The following WWOX variants were observed in gnomAD, a reference collection of about 807,000 sequenced individuals.
WWOX encodes WW domain-containing oxidoreductase.
WWOX carries 69 observed loss-of-function variants against 46.2 expected under a neutral mutation model. The observed-to-expected ratio is 1.49, with a 90% CI of 1.23 to 1.82. The LOEUF (loss-of-function observed/expected upper bound fraction) is 1.82, where lower values mean the gene tolerates loss of function less well. Among genes scored for constraint, WWOX ranks in the 40% most tolerant of loss-of-function variants. The probability of loss-of-function intolerance (pLI) is 0.00; values close to 1 mark genes in which losing one functional copy is unlikely to be tolerated. For synonymous variants in WWOX, 359 were observed against 202.6 expected (o/e 1.77, Z -6.56); for missense variants, 919 against 542.6 (o/e 1.69, Z -6.89).
At chr16:78,119,865 A>G (rs1357380686) in intron 4 of WWOX, among the ~76,000 whole-genome samples, 1 of 152,196 alleles carries the variant, frequency 6.6e-6, no homozygotes, top group African/African-American at 2.4e-5. Flanking sequence ...AGCAGTGGCT[A>G]AAACTTGATT....
chr16:79,113,352 C>T (rs1443402009), intron 8 of WWOX, among the ~76,000 whole-genome samples: 1 of 152,162 alleles, frequency 6.6e-6, no homozygotes, highest in Non-Finnish European at 1.5e-5. Context: ...AGTTATGCCC[C>T]ATCAGGGGGC....
chr16:78,617,381 C>G (rs1254591070), intron 8 of WWOX, among the ~76,000 whole-genome samples: 1 of 146,070 alleles, frequency 6.8e-6, no homozygotes, highest in East Asian at 2.0e-4. Flanking sequence ...CAGCCTGGGC[C>G]ACACAGAGAA....
chr16:78,749,382 C>T (rs138357607), intron 8 of WWOX, among the ~76,000 whole-genome samples: 71 of 152,114 alleles, frequency 4.7e-4, no homozygotes, highest in Non-Finnish European at 8.2e-4. Flanking sequence ...TTGAATACAG[C>T]CTTTTGCATT....
chr16:78,469,651 C>T (rs9933282), intron 8 of WWOX, among the ~76,000 whole-genome samples: 18,130 of 152,196 alleles, frequency 0.12, 1,255 homozygotes, highest in Non-Finnish European at 0.16. Context: ...CTGAGTACCG[C>T]GCAGATAGTG....
At chr16:78,683,575 C>T (rs9936058) in intron 8 of WWOX, among the ~76,000 whole-genome samples, 61,421 of 151,070 alleles carry the variant, frequency 0.41, 14,628 homozygotes, top group Admixed American at 0.55. Flanking sequence ...AAAAAAATTA[C>T]ATGAAAAATA....
intron 5 of WWOX, among the ~76,000 whole-genome samples, chr16:78,234,099 C>T (rs974432011): frequency 4.2e-5 from 6 of 143,220 alleles, no homozygotes; most frequent in African/African-American, 1.3e-4. Context: ...GTCCAGAACA[C>T]GGTGGGGAGG....
At chr16:78,483,006 C>T (rs539149428) in intron 8 of WWOX, among the ~76,000 whole-genome samples, 1 of 152,078 alleles carries the variant, frequency 6.6e-6, no homozygotes, top group Non-Finnish European at 1.5e-5. Flanking sequence ...GAAAAGGAGT[C>T]AAACATTTAG....
intron 8 of WWOX, among the ~76,000 whole-genome samples, chr16:78,441,974 G>C (rs903551407): frequency 6.6e-6 from 1 of 151,440 alleles, no homozygotes; most frequent in African/African-American, 2.4e-5. Flanking sequence ...GTGTGTGTGT[G>C]TGTGTGTGTG....
chr16:78,478,858 C>G (rs1407201086), intron 8 of WWOX, among the ~76,000 whole-genome samples: 1 of 151,900 alleles, frequency 6.6e-6, no homozygotes, highest in Non-Finnish European at 1.5e-5. Context: ...TTGGACAAGC[C>G]CTTTCTGAAT....
intron 8 of WWOX, among the ~76,000 whole-genome samples, chr16:78,692,050 T>A (rs902695426): frequency 6.6e-6 from 1 of 152,228 alleles, no homozygotes; most frequent in Non-Finnish European, 1.5e-5. Context: ...ACCACCATGT[T>A]TCTGAGGCCT....
intron 8 of WWOX, among the ~76,000 whole-genome samples, chr16:78,722,155 C>G (rs77397961): frequency 5.9e-5 from 9 of 152,184 alleles, no homozygotes; most frequent in African/African-American, 1.9e-4. Flanking sequence ...ATGACCAGCA[C>G]GTGGCTCACT....
chr16:78,810,054 T>C (rs1241384590), intron 8 of WWOX, among the ~76,000 whole-genome samples: 1 of 152,234 alleles, frequency 6.6e-6, no homozygotes, highest in Non-Finnish European at 1.5e-5. Flanking sequence ...TTATGCTTCC[T>C]GGTAATCCTT....
At position 78,934,613 on chromosome 16, in the gene WWOX, T is replaced by TATC. The variant is rs541746033; in HGVS notation, c.1057-276993_1057-276992insCAT. Among the ~76,000 whole-genome samples the TATC allele has an allele frequency of 7.9e-4, 120 of 151,184 alleles. 1 individual carries two copies. Among genetic ancestry groups the TATC allele is most frequent in the African/African-American group, 2.7e-3 (112 of 41,338 alleles). ...CTGTTTTTACCCTACCCTCTTCCCC[T>TATC]ATGACCCACCACCACGCAGGCCTTG... On this transcript the variant is annotated intron_variant, in intron 8 of 8. Transcript: ENST00000566780.
rs1310488713 is a variant in WWOX, at chr16:79,094,287, T to C, written c.1057-117321T>C. 2.6e-5 allele frequency among the ~76,000 whole-genome samples: 4 copies of C among 151,072 alleles called. No homozygotes were observed. In the South Asian group the frequency reaches 8.4e-4, roughly 32 times the overall value. On this transcript the variant is annotated intron_variant, in intron 8 of 8. Coordinates refer to ENST00000566780, the MANE Select transcript of WWOX (RefSeq NM_016373.4). ...TTTTTTCTTTGATACGGGGTCTCGC[T>C]CTGTCTCCCAGGCTGGAGTGCAATG...
chr16:78,604,101 G>A (rs546712756), intron 8 of WWOX, among the ~76,000 whole-genome samples: 2 of 152,210 alleles, frequency 1.3e-5, no homozygotes, highest in South Asian at 2.1e-4. Context: ...CTGTGATCAC[G>A]CCACTGAATT....
intron 8 of WWOX, among the ~76,000 whole-genome samples, chr16:78,750,091 C>G (rs964714377): frequency 6.6e-6 from 1 of 152,222 alleles, no homozygotes; most frequent in Admixed American, 6.5e-5. Flanking sequence ...TGCTGAAAGT[C>G]TTTTTCACAC....
chr16:79,040,459 A>G (rs1345649622), intron 8 of WWOX, among the ~76,000 whole-genome samples: 2 of 151,990 alleles, frequency 1.3e-5, no homozygotes, highest in Admixed American at 1.3e-4. Context: ...CATCTTTGGT[A>G]GAGACAAGCC....
chr16:78,510,493 G>A (rs1014776764), intron 8 of WWOX, among the ~76,000 whole-genome samples: 4 of 152,228 alleles, frequency 2.6e-5, no homozygotes, highest in East Asian at 1.9e-4. Flanking sequence ...GATTACAGTC[G>A]TGAGCCACCG....
At chr16:78,818,049 A>T (rs2051387953) in intron 8 of WWOX, among the ~76,000 whole-genome samples, 1 of 152,188 alleles carries the variant, frequency 6.6e-6, no homozygotes, top group African/African-American at 2.4e-5. Context: ...GGTCTCAGTC[A>T]ACCTTATGAA....
Sources: gnomAD v4.1 joint callset for allele counts (sites outside exome capture counted in the v4.1 genomes callset) on GRCh38, gnomAD v4.1.1 for gene constraint, MANE v1.5 for transcripts, NCBI Gene and HGNC (gene_info 2026-07-23, HGNC 2026-07-21) for gene names.